RBMS1: variants seen among roughly 807,000 people sequenced by gnomAD.
RBMS1 encodes the protein RNA binding motif single stranded interacting protein 1, also known as RNA-binding motif, single-stranded-interacting protein 1.
A neutral mutation model predicts 62.3 loss-of-function variants in RBMS1; 17 were observed. That is an observed-to-expected ratio of 0.27 (90% CI 0.19 to 0.41). RBMS1 has a LOEUF of 0.41. RBMS1 is among the 10% of genes least tolerant of loss of function. The probability of loss-of-function intolerance (pLI) is 1.00; values close to 1 mark genes in which losing one functional copy is unlikely to be tolerated. For missense variants in RBMS1, 334 were observed against 504.5 expected, an observed-to-expected ratio of 0.66 and a Z score of 3.24; for synonymous variants, 172 against 170.0, an observed-to-expected ratio of 1.01 and a Z score of -0.09.
chr2:160,352,199 G>A (rs1052023699), intron 2 of RBMS1, among the ~76,000 whole-genome samples: 1 of 152,068 alleles, frequency 6.6e-6, no homozygotes, highest in African/African-American at 2.4e-5. Context: ...CTCTAATGCC[G>A]GAAGGAGCGT....
At chr2:160,330,097 T>C (rs190685628) in intron 2 of RBMS1, among the ~76,000 whole-genome samples, 1 of 152,310 alleles carries the variant, frequency 6.6e-6, no homozygotes, top group East Asian at 1.9e-4. Flanking sequence ...TTGCTATTTC[T>C]ACTTTGGGGA....
intron 2 of RBMS1, among the ~76,000 whole-genome samples, chr2:160,346,214 G>C (rs1399678669): frequency 6.6e-6 from 1 of 152,006 alleles, no homozygotes; most frequent in African/African-American, 2.4e-5. Context: ...CGATATTACC[G>C]ACCGTAGGAA....
chr2:160,302,771 C>T (rs562594473), intron 5 of RBMS1: 2 of 146,966 alleles, frequency 1.4e-5, no homozygotes, highest in Non-Finnish European at 3.0e-5. Flanking sequence ...GGATTACAGG[C>T]ATGAGCCACC....
At chr2:160,364,338 G>A (rs994751227) in intron 2 of RBMS1, among the ~76,000 whole-genome samples, 2 of 152,204 alleles carry the variant, frequency 1.3e-5, no homozygotes, top group African/African-American at 4.8e-5. Context: ...TTCCTCGTAC[G>A]TGTTTCACAA....
intron 1 of RBMS1, among the ~76,000 whole-genome samples, chr2:160,372,871 G>A (rs1693800273): frequency 6.6e-6 from 1 of 152,106 alleles, no homozygotes; most frequent in African/African-American, 2.4e-5. Context: ...AATGCCTGAG[G>A]CCAGGATGTT....
intron 2 of RBMS1, among the ~76,000 whole-genome samples, chr2:160,318,613 C>G (rs368854699): frequency 2.9e-4 from 44 of 152,330 alleles, no homozygotes; most frequent in Non-Finnish European, 5.7e-4. Flanking sequence ...CAGGAAAGTA[C>G]TGTCCTATGA....
rs1040387736 is a variant in RBMS1, at chr2:160,286,388, T to G, written c.756+581A>C. Among the ~76,000 whole-genome samples the G allele has an allele frequency of 1.3e-5, 2 of 150,580 alleles. 1 individual carries two copies. Among genetic ancestry groups the G allele is most frequent in the Admixed American group, 1.3e-4 (2 of 15,160 alleles). On this transcript the variant is annotated intron_variant, in intron 7 of 13. Coordinates refer to ENST00000348849, the MANE Select transcript of RBMS1 (RefSeq NM_016836.4). ...AGGCTGGAGTGCAGTGGCATGATCT[T>G]GGAACACTGCAGCCTCTGCCTCCCG...
intron 2 of RBMS1, among the ~76,000 whole-genome samples, chr2:160,319,817 A>C (rs1348787605): frequency 6.6e-6 from 1 of 152,202 alleles, no homozygotes; most frequent in Non-Finnish European, 1.5e-5. Context: ...AAATGGCTTG[A>C]GCCACTTCTC....
chr2:160,487,271 T>G (rs1685636049), intron 1 of RBMS1, among the ~76,000 whole-genome samples: 2 of 152,222 alleles, frequency 1.3e-5, no homozygotes, highest in Non-Finnish European at 2.9e-5. Flanking sequence ...GCAAAAGACA[T>G]GGCAAAGTGT....
At chr2:160,471,716 T>TATATATATATATATATATATATAG (rs371634389) in intron 1 of RBMS1, among the ~76,000 whole-genome samples, 1 of 76,234 alleles carries the variant, frequency 1.3e-5, no homozygotes, top group African/African-American at 4.4e-5. Context: ...TATATATATA[T>TATATATATATATATATATATATAG]AACCTTTCAT....
At chr2:160,450,193 C>T (rs561149977) in intron 1 of RBMS1, among the ~76,000 whole-genome samples, 4 of 152,278 alleles carry the variant, frequency 2.6e-5, no homozygotes, top group African/African-American at 9.6e-5. Context: ...GGGTGCTAAG[C>T]ACTCTATGGG....
intron 2 of RBMS1, among the ~76,000 whole-genome samples, chr2:160,355,199 G>A (rs963086965): frequency 2.0e-5 from 3 of 152,032 alleles, no homozygotes; most frequent in East Asian, 1.9e-4. Flanking sequence ...TGAGAGTTTC[G>A]AATCCACTAT....
chr2:160,436,338 C>T (rs1348119194), intron 1 of RBMS1, among the ~76,000 whole-genome samples: 1 of 152,150 alleles, frequency 6.6e-6, no homozygotes, highest in African/African-American at 2.4e-5. Flanking sequence ...GGCCAAGCTC[C>T]CCGTGTAGAG....
intron 2 of RBMS1, among the ~76,000 whole-genome samples, chr2:160,325,908 A>G (rs1007364746): frequency 1.3e-5 from 2 of 152,208 alleles, no homozygotes; most frequent in African/African-American, 4.8e-5. Flanking sequence ...ATGATTTTCA[A>G]TGTTTCTACT....
At chr2:160,394,994 C>T (rs1695062172) in intron 1 of RBMS1, among the ~76,000 whole-genome samples, 1 of 152,176 alleles carries the variant, frequency 6.6e-6, no homozygotes, top group African/African-American at 2.4e-5. Flanking sequence ...CACTAAAATG[C>T]AAAAGCTTCT....
chr2:160,385,111 T>G (rs1694497919), intron 1 of RBMS1, among the ~76,000 whole-genome samples: 1 of 152,216 alleles, frequency 6.6e-6, no homozygotes, highest in South Asian at 2.1e-4. Flanking sequence ...ATGCCTCCTG[T>G]ACAGCCTGCA....
At chr2:160,331,330 T>C (rs1234131913) in intron 2 of RBMS1, among the ~76,000 whole-genome samples, 1 of 152,208 alleles carries the variant, frequency 6.6e-6, no homozygotes, top group African/African-American at 2.4e-5. Context: ...AAATTTAGCA[T>C]CTTTCTGCAA....
chr2:160,311,254 A>ATATATATATATATATATATG (rs1689895723), intron 4 of RBMS1, among the ~76,000 whole-genome samples: 2 of 133,470 alleles, frequency 1.5e-5, no homozygotes, highest in Admixed American at 7.6e-5. Flanking sequence ...ATATATATAT[A>ATATATATATATATATATATG]TATAGTCTGT....
intron 2 of RBMS1, among the ~76,000 whole-genome samples, chr2:160,321,432 T>G (rs1690555140): frequency 6.6e-6 from 1 of 152,232 alleles, no homozygotes. Flanking sequence ...TTCAGTGCCA[T>G]GTTTTTAATT....
Sources: gnomAD v4.1 joint callset for allele counts (sites outside exome capture counted in the v4.1 genomes callset) on GRCh38, gnomAD v4.1.1 for gene constraint, MANE v1.5 for transcripts, NCBI Gene and HGNC (gene_info 2026-07-23, HGNC 2026-07-21) for gene names.